CTNNA2: variants seen among roughly 807,000 people sequenced by gnomAD.
The protein encoded by CTNNA2 is catenin alpha 2.
Under a neutral mutation model 101.0 loss-of-function variants are expected in CTNNA2, and 42 were observed. That is an observed-to-expected ratio of 0.42 (90% CI 0.32 to 0.54). The LOEUF (loss-of-function observed/expected upper bound fraction) is 0.54. CTNNA2 is among the 20% of genes least tolerant of loss of function. The pLI, the probability that CTNNA2 is intolerant of heterozygous loss-of-function variation, is 0.14. For synonymous variants in CTNNA2, 450 were observed against 456.4 expected, an observed-to-expected ratio of 0.99 and a Z score of 0.18; for missense variants, 871 against 1,223.1, an observed-to-expected ratio of 0.71 and a Z score of 4.29.
intron 7 of CTNNA2, among the ~76,000 whole-genome samples, chr2:80,246,228 T>C (rs757249930): frequency 6.6e-6 from 1 of 152,196 alleles, no homozygotes; most frequent in Non-Finnish European, 1.5e-5. Flanking sequence ...AAGACCCAGT[T>C]TGTGAATGGT....
chr2:80,236,115 T>C (rs1709537780), intron 7 of CTNNA2, among the ~76,000 whole-genome samples: 1 of 152,232 alleles, frequency 6.6e-6, no homozygotes, highest in Non-Finnish European at 1.5e-5. Flanking sequence ...TCCAGCTCTA[T>C]CCATGTTCTC....
chr2:79,879,873 G>C (rs60950740), intron 6 of CTNNA2, among the ~76,000 whole-genome samples: 11,518 of 152,166 alleles, frequency 0.076, 708 homozygotes, highest in Admixed American at 0.19. Context: ...GGAGTGGTGA[G>C]AGAGGGCAGT....
chr2:79,815,772 T>A (rs1428606037), intron 3 of CTNNA2, among the ~76,000 whole-genome samples: 1 of 99,646 alleles, frequency 1.0e-5, no homozygotes, highest in Admixed American at 1.1e-4. Flanking sequence ...GAATTTTAGA[T>A]TTTTTTTTTC....
intron 8 of CTNNA2, among the ~76,000 whole-genome samples, chr2:80,399,290 C>T (rs1271795762): frequency 6.6e-6 from 1 of 152,098 alleles, no homozygotes; most frequent in Non-Finnish European, 1.5e-5. Context: ...GTCATTAGGC[C>T]AAGTCCAAAG....
At chr2:80,281,466 G>C (rs568715975) in intron 7 of CTNNA2, among the ~76,000 whole-genome samples, 39 of 152,142 alleles carry the variant, frequency 2.6e-4, no homozygotes, top group Non-Finnish European at 5.4e-4. Context: ...ATTTTCTAAA[G>C]AGCGTACATT....
At chr2:79,988,460 ATGTGTATGTGTGTGTG>A (rs1691922310) in intron 7 of CTNNA2, among the ~76,000 whole-genome samples, 1 of 89,276 alleles carries the variant, frequency 1.1e-5, no homozygotes, top group Non-Finnish European at 2.4e-5. Context: ...TATGAAGTGT[ATGTGTATGTGTGTGTG>A]TGTGTGTGTG....
At chr2:79,522,825 G>A (rs929530439) in intron 1 of CTNNA2, among the ~76,000 whole-genome samples, 1 of 152,136 alleles carries the variant, frequency 6.6e-6, no homozygotes. Flanking sequence ...TCTATACAGA[G>A]GTATCTCAAG....
chr2:79,286,580 C>G (rs369533547), intron 2 of CTNNA2, among the ~76,000 whole-genome samples: 1 of 152,060 alleles, frequency 6.6e-6, no homozygotes, highest in African/African-American at 2.4e-5. Flanking sequence ...TGAATATTGG[C>G]CCCCACTCTC....
intron 4 of CTNNA2, among the ~76,000 whole-genome samples, chr2:79,460,331 CTACGT>C (rs1439425907): frequency 1.3e-5 from 2 of 152,066 alleles, no homozygotes; most frequent in Non-Finnish European, 2.9e-5. Flanking sequence ...TTATTGTGTT[CTACGT>C]TCACACCCTC....
intron 7 of CTNNA2, among the ~76,000 whole-genome samples, chr2:80,218,060 C>T (rs1036091486): frequency 1.3e-5 from 2 of 152,202 alleles, no homozygotes; most frequent in Non-Finnish European, 2.9e-5. Flanking sequence ...AGCATAACAC[C>T]AATCAGCTAG....
chr2:79,683,305 TCTC>T (rs1167839277), intron 2 of CTNNA2, among the ~76,000 whole-genome samples: 2 of 152,204 alleles, frequency 1.3e-5, no homozygotes, highest in Non-Finnish European at 2.9e-5. Context: ...TGGTTTTCCA[TCTC>T]CTAGAATGTG....
chr2:79,722,515 A>C (rs1018016832), intron 2 of CTNNA2, among the ~76,000 whole-genome samples: 9 of 152,202 alleles, frequency 5.9e-5, no homozygotes, highest in African/African-American at 2.2e-4. Flanking sequence ...CAGATCTCAC[A>C]GGATCTCTGA....
intron 2 of CTNNA2, among the ~76,000 whole-genome samples, chr2:79,258,652 G>A (rs1237791609): frequency 6.6e-6 from 1 of 152,068 alleles, no homozygotes; most frequent in African/African-American, 2.4e-5. Flanking sequence ...ACTGGAGGAT[G>A]TCAAGTAGTG....
At chr2:79,996,445 C>T (rs1250792479) in intron 7 of CTNNA2, among the ~76,000 whole-genome samples, 1 of 152,110 alleles carries the variant, frequency 6.6e-6, no homozygotes, top group East Asian at 1.9e-4. Context: ...GCCTGGTGTT[C>T]TGATTATGAA....
chr2:79,998,146 G>T (rs1269812015), intron 7 of CTNNA2, among the ~76,000 whole-genome samples: 1 of 152,154 alleles, frequency 6.6e-6, no homozygotes, highest in Non-Finnish European at 1.5e-5. Flanking sequence ...CAAAGGAAAT[G>T]AACCATTTTT....
chr2:80,472,877 G>T (rs1361485145), intron 9 of CTNNA2, among the ~76,000 whole-genome samples: 2 of 152,082 alleles, frequency 1.3e-5, no homozygotes, highest in African/African-American at 4.8e-5. Context: ...TCCAGTTATT[G>T]TCATTACACG....
At chr2:79,972,134 C>A (rs933175257) in intron 7 of CTNNA2, among the ~76,000 whole-genome samples, 2 of 152,160 alleles carry the variant, frequency 1.3e-5, no homozygotes, top group African/African-American at 4.8e-5. Flanking sequence ...TACTGGCAGG[C>A]ACAGTTCATC....
At chr2:79,969,729 T>C (rs1690339964) in intron 7 of CTNNA2, among the ~76,000 whole-genome samples, 2 of 152,194 alleles carry the variant, frequency 1.3e-5, no homozygotes, top group Admixed American at 1.3e-4. Flanking sequence ...CTTTGGTTGC[T>C]TTTCCTTTCA....
At chr2:80,625,353 G>T (rs1208163425) in intron 18 of CTNNA2, among the ~76,000 whole-genome samples, 1 of 151,982 alleles carries the variant, frequency 6.6e-6, no homozygotes, top group Non-Finnish European at 1.5e-5. Context: ...AATGCACTAT[G>T]AAATATGTTT....
Sources: gnomAD v4.1 joint callset for allele counts (sites outside exome capture counted in the v4.1 genomes callset) on GRCh38, gnomAD v4.1.1 for gene constraint, MANE v1.5 for transcripts, NCBI Gene and HGNC (gene_info 2026-07-23, HGNC 2026-07-21) for gene names.